Variants in GRAP2 observed in about 807,000 individuals in gnomAD.
The protein encoded by GRAP2 is GRB2 related adaptor protein 2.
In GRAP2, 31 loss-of-function variants were observed where a neutral mutation model predicts 43.5. The observed-to-expected ratio is 0.71, with a 90% CI of 0.54 to 0.96. The LOEUF (loss-of-function observed/expected upper bound fraction) is 0.96, where lower values mean the gene tolerates loss of function less well. GRAP2 is among the 40% of genes least tolerant of loss of function. GRAP2 has a pLI of 0.00. For synonymous variants in GRAP2, 156 were observed against 164.8 expected (o/e 0.95, Z 0.41); for missense variants, 371 against 424.4 (o/e 0.87, Z 1.11).
chr22:39,943,763 A>G (rs865829960), intron 1 of GRAP2, among the ~76,000 whole-genome samples: 1 of 144,654 alleles, frequency 6.9e-6, no homozygotes. Context: ...CTCTGTCGCT[A>G]GACTGGAGTG....
upstream of GRAP2, among the ~76,000 whole-genome samples, chr22:39,900,385 T>C (rs1316930850): frequency 2.6e-5 from 4 of 152,164 alleles, no homozygotes; most frequent in Admixed American, 2.6e-4. Context: ...TGTCTCTAAT[T>C]TTCTGTAAAA....
At chr22:39,922,582 T>C (rs2066662056) in intron 1 of GRAP2, among the ~76,000 whole-genome samples, 1 of 152,082 alleles carries the variant, frequency 6.6e-6, no homozygotes, top group African/African-American at 2.4e-5. Context: ...AGAAGAGACA[T>C]GGCACAGTCT....
chr22:39,949,650 G>A (rs1169497885), intron 2 of GRAP2, among the ~76,000 whole-genome samples: 1 of 152,138 alleles, frequency 6.6e-6, no homozygotes, highest in Admixed American at 6.5e-5. Context: ...TGGAGACTGG[G>A]GCCCAGTCAT....
At chr22:39,947,333 A>G in intron 2 of GRAP2, 149 bp downstream of exon 2, 1 of 639,566 alleles carries the variant, frequency 1.6e-6, no homozygotes, top group East Asian at 2.7e-5. Context: ...CTTATACCAG[A>G]CACCAACCAG....
intron 2 of GRAP2, among the ~76,000 whole-genome samples, chr22:39,949,065 AG>A (rs1273398842): frequency 6.6e-6 from 1 of 152,122 alleles, no homozygotes; most frequent in Non-Finnish European, 1.5e-5. Flanking sequence ...CTTGAACTCC[AG>A]ACCCAGACTT....
intron 1 of GRAP2, among the ~76,000 whole-genome samples, chr22:39,936,331 T>C (rs1156398371): frequency 6.6e-6 from 1 of 152,050 alleles, no homozygotes; most frequent in Non-Finnish European, 1.5e-5. Context: ...CTGTAGACAA[T>C]TGTTATTGCT....
At chr22:39,919,057 G>A (rs1431255460) in intron 1 of GRAP2, among the ~76,000 whole-genome samples, 1 of 152,112 alleles carries the variant, frequency 6.6e-6, no homozygotes, top group South Asian at 2.1e-4. Flanking sequence ...ATAATCACTT[G>A]AGGCCAGGAG....
the GRAP2 span, among the ~76,000 whole-genome samples, chr22:39,894,830 A>G: frequency 0.049 from 7,424 of 152,304 alleles, 216 homozygotes; most frequent in Middle Eastern, 0.13. Context: ...TTGTAACAAG[A>G]TATGTATGGC....
At chr22:39,912,415 T>C (rs1436725282) in intron 1 of GRAP2, among the ~76,000 whole-genome samples, 1 of 152,178 alleles carries the variant, frequency 6.6e-6, no homozygotes, top group Non-Finnish European at 1.5e-5. Flanking sequence ...TAGTGAGACC[T>C]TGTCTCTGGA....
intron 1 of GRAP2, among the ~76,000 whole-genome samples, chr22:39,924,563 G>T (rs538138750): frequency 6.6e-6 from 1 of 152,194 alleles, no homozygotes; most frequent in Non-Finnish European, 1.5e-5. Context: ...TTAGCCGGAC[G>T]TGGTGGTGGG....
At chr22:39,935,754 T>C (rs1008718708) in intron 1 of GRAP2, among the ~76,000 whole-genome samples, 39 of 152,248 alleles carry the variant, frequency 2.6e-4, no homozygotes, top group African/African-American at 8.2e-4. Flanking sequence ...CTTGGGAGCG[T>C]AAGTAAAAGT....
rs561959406 is a variant in GRAP2 at position 39,971,346 on chromosome 22, G to C, written c.*262G>C. On this transcript the variant is annotated 3_prime_UTR_variant, in exon 8 of 8. Coordinates refer to ENST00000344138, the MANE Select transcript of GRAP2 (RefSeq NM_004810.4). ...TGGAAGGCAGTGGGGGAGTTGGGAG[G>C]GGGGCAGGGAAATGAAATGGAGTTT... 62 of 462,100 alleles carry C rather than the reference G, an allele frequency of 1.3e-4. No homozygotes were observed. The highest frequency in any genetic ancestry group is 1.2e-3 in the African/African-American group (58 of 48,738). The allele number at this position is 462,100 out of a possible 1,614,324, so 28.6% of individuals were successfully genotyped here. A position where few individuals can be genotyped will look rare whatever the true frequency, so the allele number is the denominator to read the frequency against.
At chr22:39,958,938 T>C (rs1203464012) in intron 3 of GRAP2, among the ~76,000 whole-genome samples, 2 of 152,186 alleles carry the variant, frequency 1.3e-5, no homozygotes, top group Non-Finnish European at 2.9e-5. Flanking sequence ...GGGGACTCAG[T>C]CTCCAGTAAG....
At chr22:39,912,151 T>C (rs2066571629) in intron 1 of GRAP2, among the ~76,000 whole-genome samples, 1 of 152,266 alleles carries the variant, frequency 6.6e-6, no homozygotes, top group Non-Finnish European at 1.5e-5. Flanking sequence ...CCAGGCATGG[T>C]GGCTCACGCC....
At chr22:39,955,219 G>A (rs967596726) in intron 2 of GRAP2, among the ~76,000 whole-genome samples, 1 of 152,118 alleles carries the variant, frequency 6.6e-6, no homozygotes, top group African/African-American at 2.4e-5. Flanking sequence ...TTAGCCAGGT[G>A]TAGTGGCGCA....
At chr22:39,936,311 C>T (rs1238577094) in intron 1 of GRAP2, among the ~76,000 whole-genome samples, 6 of 151,936 alleles carry the variant, frequency 3.9e-5, no homozygotes, top group Admixed American at 2.6e-4. Context: ...CAGCAGGATC[C>T]GAGGTGTTTC....
rs145257707 is a variant in GRAP2 at position 39,957,965 on chromosome 22, A to C, written c.170+2055A>C. 2.4e-3 allele frequency among the ~76,000 whole-genome samples: 358 copies of C among 152,188 alleles called. 2 individuals are homozygous for C. The highest frequency in any genetic ancestry group is 8.5e-3 in the African/African-American group (351 of 41,518). On this transcript the variant is annotated intron_variant, in intron 3 of 7. Transcript: ENST00000344138. ...AAAAAAAAAATTTAAATAAATAAAT[A>C]AATCAAGAAAATTCTTAATCCCAAA... is the stretch of plus-strand genomic sequence containing the variant.
intron 4 of GRAP2, 152 bp from the exon 5 acceptor site, chr22:39,965,838 G>A (rs2067166686): frequency 3.2e-5 from 22 of 683,084 alleles, no homozygotes; most frequent in South Asian, 3.2e-4. Flanking sequence ...GCCGAAGCCT[G>A]ACTGGGCTGG....
At chr22:39,898,854 T>C (rs2145559840), upstream of GRAP2, among the ~76,000 whole-genome samples, 1 of 152,008 alleles carries the variant, frequency 6.6e-6, no homozygotes, top group East Asian at 1.9e-4. Flanking sequence ...AAACAGAAGT[T>C]CAGATATAAA....
Sources: allele counts gnomAD v4.1 joint callset (sites outside exome capture counted in the v4.1 genomes callset), GRCh38; gene constraint gnomAD v4.1.1; transcripts MANE v1.5; gene names NCBI Gene and HGNC (gene_info 2026-07-23, HGNC 2026-07-21).